CALU: variants seen among roughly 807,000 people sequenced by gnomAD.
CALU encodes the protein calumenin.
Under a neutral mutation model 37.5 loss-of-function variants are expected in CALU, and 13 were observed. That is an observed-to-expected ratio of 0.35 (90% CI 0.23 to 0.55). The LOEUF (loss-of-function observed/expected upper bound fraction) is 0.55, where lower values mean the gene tolerates loss of function less well. Among genes scored for constraint, CALU ranks in the 20% least tolerant of loss-of-function variants. The pLI, the probability that CALU is intolerant of heterozygous loss-of-function variation, is 0.89. For synonymous variants in CALU, 114 were observed against 133.8 expected (o/e 0.85, Z 1.02); for missense variants, 282 against 391.7 (o/e 0.72, Z 2.36).
At chr7:128,751,691 C>T (rs1408378609) in intron 2 of CALU, among the ~76,000 whole-genome samples, 1 of 152,148 alleles carries the variant, frequency 6.6e-6, no homozygotes, top group Non-Finnish European at 1.5e-5. Context: ...TGTACCACTG[C>T]CCTCCAGCCT....
chr7:128,762,043 ATT>A (rs11327311), intron 5 of CALU, among the ~76,000 whole-genome samples: 6,273 of 148,456 alleles, frequency 0.042, 369 homozygotes, highest in African/African-American at 0.14. Context: ...TCCTAAACTG[ATT>A]TTTTTTTTTT....
At chr7:128,748,200 A>C in intron 1 of CALU, 2 of 567,790 alleles carry the variant, frequency 3.5e-6, no homozygotes, top group South Asian at 5.1e-5. Flanking sequence ...GCGTACAAGA[A>C]GTAAAGGATT....
At chr7:128,740,101 C>T (rs1238650536) in intron 1 of CALU, among the ~76,000 whole-genome samples, 1 of 152,158 alleles carries the variant, frequency 6.6e-6, no homozygotes, top group African/African-American at 2.4e-5. Context: ...TTTTTTGTTG[C>T]TTCTAGCCCC....
At chr7:128,766,752 C>T (rs760448858) in intron 5 of CALU, among the ~76,000 whole-genome samples, 8 of 152,134 alleles carry the variant, frequency 5.3e-5, no homozygotes, top group Non-Finnish European at 1.0e-4. Context: ...CCACCACGCC[C>T]ATCCAGACAC....
chr7:128,757,412 T>C (rs1304072616), intron 3 of CALU, among the ~76,000 whole-genome samples: 1 of 150,976 alleles, frequency 6.6e-6, no homozygotes, highest in East Asian at 1.9e-4. Flanking sequence ...CCCAAAGCCT[T>C]ATGACTCGTT....
In CALU at chr7:128,770,972, C is replaced by T. The variant is rs1474354075; in HGVS notation, c.*1805C>T. The T allele has an allele frequency of 6.6e-6, 1 of 152,668 alleles. No homozygotes were observed. The highest frequency in any genetic ancestry group is 2.4e-5 in the African/African-American group (1 of 41,458). The allele number at this position is 152,668 out of a possible 1,614,324, so 9.5% of individuals were successfully genotyped here. On this transcript the variant is annotated 3_prime_UTR_variant, in exon 7 of 7. Coordinates refer to ENST00000249364, the MANE Select transcript of CALU (RefSeq NM_001219.5). ...AGCCAGGTATAATGTAACTTCACCC[C>T]AGCCTTTGTACTAAGCTCTTGATAG...
At chr7:128,756,082 A>G (rs1319514665) in intron 3 of CALU, among the ~76,000 whole-genome samples, 1 of 152,232 alleles carries the variant, frequency 6.6e-6, no homozygotes. Flanking sequence ...CCTTCACCCA[A>G]TTAAGAACAC....
intron 3 of CALU, among the ~76,000 whole-genome samples, chr7:128,757,209 T>C (rs577645091): frequency 6.6e-5 from 10 of 152,346 alleles, no homozygotes; most frequent in Admixed American, 3.3e-4. Context: ...AGAGCACTTA[T>C]GTAAGAATCT....
Position 128,758,965 on chromosome 7 carries a change from T to C in CALU, c.510T>C (p.Ile170=). 1.9e-6 allele frequency: 3 copies of C among 1,613,898 alleles called. No homozygotes were observed. The highest frequency in any genetic ancestry group is 2.5e-6 in the Non-Finnish European group (3 of 1,179,824). The change falls in exon 4 of 7, where the codon ATT becomes ATC. Residue 170 remains isoleucine, a synonymous_variant. Transcript: ENST00000249364. ...FKMADKDGDL[I]ATKEEFTAFL... ...TGGCAGACAAGGATGGAGACCTCATTGCCACCAAGGAGGAGTTCACAGCTT... is the reference window on the plus strand; with the variant it reads ...TGGCAGACAAGGATGGAGACCTCATCGCCACCAAGGAGGAGTTCACAGCTT...
chr7:128,740,050 A>G (rs1293875546), intron 1 of CALU, among the ~76,000 whole-genome samples: 3 of 152,206 alleles, frequency 2.0e-5, no homozygotes, highest in Non-Finnish European at 4.4e-5. Flanking sequence ...GCGACGGAAA[A>G]TAGTTTTTAA....
intron 1 of CALU, among the ~76,000 whole-genome samples, chr7:128,747,063 C>T (rs1297280030): frequency 2.6e-5 from 4 of 152,052 alleles, no homozygotes; most frequent in Admixed American, 6.6e-5. Flanking sequence ...CCACTGCGCC[C>T]GGCCCATTCT....
At position 128,748,444 on chromosome 7, in the gene CALU, GA is replaced by G. The variant is rs1393136957; in HGVS notation, c.-11-128del. Reference sequence around the variant, plus strand: ...ATTTTATGGATGAAGTAATATTTGGGATAATATAAAAGACTTGCATAGATAT... The same window carrying G: ...ATTTTATGGATGAAGTAATATTTGGGTAATATAAAAGACTTGCATAGATAT... On this transcript the variant is annotated intron_variant, in intron 1 of 6. Coordinates refer to ENST00000249364, the MANE Select transcript of CALU (RefSeq NM_001219.5). 8.9e-6 allele frequency: 11 copies of G among 1,230,778 alleles called. No homozygotes were observed. In the African/African-American group the frequency reaches 1.7e-4, roughly 19 times the overall value. 76.2% of individuals were successfully genotyped at this position (1,230,778 alleles called of 1,614,324 possible).
chr7:128,740,751 C>T (rs759452351), intron 1 of CALU, among the ~76,000 whole-genome samples: 1 of 152,064 alleles, frequency 6.6e-6, no homozygotes, highest in Non-Finnish European at 1.5e-5. Flanking sequence ...GAATAGTACT[C>T]AATATAGCTT....
At chr7:128,754,179 A>T in intron 2 of CALU, 83 bp from the exon 3 acceptor site, 1 of 1,068,304 alleles carries the variant, frequency 9.4e-7, no homozygotes, top group East Asian at 2.4e-5. Context: ...ATTTCTGTGC[A>T]TTAGCCCTGG....
intron 1 of CALU, among the ~76,000 whole-genome samples, chr7:128,747,130 T>C (rs1800477647): frequency 7.3e-6 from 1 of 137,268 alleles, no homozygotes; most frequent in Non-Finnish European, 1.7e-5. Flanking sequence ...ACCAATTCTC[T>C]GTTTTTATTT....
intron 1 of CALU, among the ~76,000 whole-genome samples, chr7:128,743,669 CGCCA>C (rs1196304701): frequency 6.6e-6 from 1 of 151,956 alleles, no homozygotes; most frequent in Non-Finnish European, 1.5e-5. Context: ...ACTATAGCTG[CGCCA>C]CCACACCCAG....
chr7:128,766,948 A>T (rs911106374), intron 5 of CALU, among the ~76,000 whole-genome samples: 2 of 152,148 alleles, frequency 1.3e-5, no homozygotes, highest in African/African-American at 4.8e-5. Flanking sequence ...AAAAATCTAT[A>T]TGTGGAACTG....
At chr7:128,744,574 G>C (rs562676724) in intron 1 of CALU, among the ~76,000 whole-genome samples, 11 of 152,118 alleles carry the variant, frequency 7.2e-5, no homozygotes, top group African/African-American at 2.4e-4. Context: ...AAGAAGTAAA[G>C]ATGGACCATT....
chr7:128,767,717 T>G, intron 6 of CALU, 62 bp downstream of exon 6: 22 of 1,361,522 alleles, frequency 1.6e-5, no homozygotes, highest in Non-Finnish European at 2.3e-5. Flanking sequence ...GGGGATCACC[T>G]GAACAGTTTC....
Sources: allele counts gnomAD v4.1 joint callset (sites outside exome capture counted in the v4.1 genomes callset), GRCh38; gene constraint gnomAD v4.1.1; transcripts MANE v1.5; gene names NCBI Gene and HGNC (gene_info 2026-07-23, HGNC 2026-07-21).